The following VSTM2B variants were observed in gnomAD, a reference collection of about 807,000 sequenced individuals.
VSTM2B encodes V-set and transmembrane domain-containing protein 2B.
In VSTM2B, 24 loss-of-function variants were observed where a neutral mutation model predicts 24.0. That is an observed-to-expected ratio of 1.00 (90% CI 0.72 to 1.40). The LOEUF (loss-of-function observed/expected upper bound fraction) is 1.40, where lower values mean the gene tolerates loss of function less well. Ranked by LOEUF, VSTM2B falls within the 40% of genes most tolerant of loss-of-function variation. The pLI is 0.00. For missense variants in VSTM2B, 399 were observed against 416.4 expected (o/e 0.96, Z 0.36); for synonymous variants, 226 against 194.4 (o/e 1.16, Z -1.35).
At chr19:29,562,974 G>T (rs1158193578) in intron 4 of VSTM2B, among the ~76,000 whole-genome samples, 1 of 152,106 alleles carries the variant, frequency 6.6e-6, no homozygotes, top group African/African-American at 2.4e-5. Context: ...CCACCAACCT[G>T]CAATTTCTCA....
At chr19:29,563,714 C>A in intron 4 of VSTM2B, 132 bp from the exon 5 acceptor site, 1 of 707,966 alleles carries the variant, frequency 1.4e-6, no homozygotes, top group Non-Finnish European at 2.4e-6. Flanking sequence ...AGCCACTATG[C>A]ACCAGCCTCC....
chr19:29,554,772 T>C (rs1239160732), intron 4 of VSTM2B, among the ~76,000 whole-genome samples: 3 of 152,184 alleles, frequency 2.0e-5, no homozygotes, highest in African/African-American at 7.2e-5. Flanking sequence ...GCAATTCTAG[T>C]TTCTGACAAA....
intron 4 of VSTM2B, among the ~76,000 whole-genome samples, chr19:29,536,424 C>A (rs1969891886): frequency 6.6e-6 from 1 of 152,202 alleles, no homozygotes; most frequent in African/African-American, 2.4e-5. Flanking sequence ...TTGGAGAAGT[C>A]CACACCAAAT....
intron 4 of VSTM2B, among the ~76,000 whole-genome samples, chr19:29,553,752 A>G (rs1970340678): frequency 6.6e-6 from 1 of 152,248 alleles, no homozygotes; most frequent in Admixed American, 6.5e-5. Flanking sequence ...GCTGAGAAAC[A>G]CAACATAAGA....
chr19:29,527,957 T>TAC (rs1389504238), intron 2 of VSTM2B, among the ~76,000 whole-genome samples: 3 of 151,884 alleles, frequency 2.0e-5, no homozygotes, highest in African/African-American at 2.4e-5. Context: ...CACACACACC[T>TAC]ACACACACAC....
At chr19:29,530,361 G>T (rs1969720250) in intron 4 of VSTM2B, 71 bp downstream of exon 4, 2 of 1,349,704 alleles carry the variant, frequency 1.5e-6, no homozygotes, top group East Asian at 3.1e-5. Context: ...GGACGCCCCG[G>T]GGGGCTCCGG....
intron 4 of VSTM2B, among the ~76,000 whole-genome samples, chr19:29,546,096 T>A (rs1178419415): frequency 6.6e-6 from 1 of 152,010 alleles, no homozygotes; most frequent in African/African-American, 2.4e-5. Context: ...CAGAGCTGTA[T>A]TGGAGTCAAC....
Position 29,530,080 on chromosome 19 carries a change from G to T in VSTM2B, c.559G>T (p.Ala187Ser). The change falls in exon 4 of 5, where the codon GCC (alanine) becomes TCC (serine). Residue 187 changes from alanine to serine, a missense_variant. By Grantham distance (99) the Ala-to-Ser change is moderately conservative. Coordinates refer to ENST00000335523, the MANE Select transcript of VSTM2B (RefSeq NM_001146339.2). Reference sequence around the variant, plus strand: ...CGCCGCCAACGCCAACAACGCGGGCGCCGCGAGCCGTACCACCTCCGAGCC... The same window carrying T: ...CGCCGCCAACGCCAACAACGCGGGCTCCGCGAGCCGTACCACCTCCGAGCC... Reference protein sequence around the residue: ...ASAANANNAGAASRTTSEPGR... With the variant: ...ASAANANNAGSASRTTSEPGR... 1 of 1,498,020 alleles carries T rather than the reference G, an allele frequency of 6.7e-7. No homozygotes were observed. Among genetic ancestry groups the T allele is most frequent in the Non-Finnish European group, 8.8e-7 (1 of 1,132,354 alleles). 92.8% of individuals were successfully genotyped at this position (1,498,020 alleles called of 1,614,324 possible).
chr19:29,533,909 G>A (rs915054936), intron 4 of VSTM2B, among the ~76,000 whole-genome samples: 11 of 152,196 alleles, frequency 7.2e-5, no homozygotes, highest in South Asian at 6.2e-4. Flanking sequence ...CGGGGCAGAC[G>A]ACCTTGGGCC....
chr19:29,555,475 C>T (rs1211333587), intron 4 of VSTM2B, among the ~76,000 whole-genome samples: 2 of 152,106 alleles, frequency 1.3e-5, no homozygotes, highest in Admixed American at 1.3e-4. Flanking sequence ...AATTGACACC[C>T]TAGCATCACA....
chr19:29,538,723 A>G (rs546732030), intron 4 of VSTM2B, among the ~76,000 whole-genome samples: 5 of 152,264 alleles, frequency 3.3e-5, no homozygotes, highest in African/African-American at 1.2e-4. Context: ...TCACATGGTG[A>G]GAGAGGAAGC....
intron 4 of VSTM2B, among the ~76,000 whole-genome samples, chr19:29,538,931 A>AG (rs1439699684): frequency 6.6e-6 from 1 of 152,124 alleles, no homozygotes; most frequent in Non-Finnish European, 1.5e-5. Context: ...ATAAGGTTGG[A>AG]GGGGATGAAC....
At chr19:29,537,222 T>A (rs1270968012) in intron 4 of VSTM2B, among the ~76,000 whole-genome samples, 1 of 152,170 alleles carries the variant, frequency 6.6e-6, no homozygotes, top group Non-Finnish European at 1.5e-5. Context: ...CCTGGGGTCG[T>A]GCTTCTAGGG....
chr19:29,563,975 C>A lies in VSTM2B; in HGVS notation c.*41C>A. 1 of 1,521,264 alleles carries A rather than the reference C, an allele frequency of 6.6e-7. No individual in the cohort carries two copies. The highest frequency in any genetic ancestry group is 1.4e-5 in the African/African-American group (1 of 72,558). 94.2% of individuals were successfully genotyped at this position (1,521,264 alleles called of 1,614,324 possible). Reference sequence around the variant, plus strand: ...CGAGCATCTCAGAGGCCGCACATGACCTGCCCGGGGCCCTCGGTGAGGACC... The same window carrying A: ...CGAGCATCTCAGAGGCCGCACATGAACTGCCCGGGGCCCTCGGTGAGGACC... On this transcript the variant is annotated 3_prime_UTR_variant, in exon 5 of 5. Coordinates refer to ENST00000335523, the MANE Select transcript of VSTM2B (RefSeq NM_001146339.2).
At chr19:29,555,547 G>T (rs1407761026) in intron 4 of VSTM2B, among the ~76,000 whole-genome samples, 2 of 151,966 alleles carry the variant, frequency 1.3e-5, no homozygotes, top group South Asian at 2.1e-4. Context: ...AAAAGAAATA[G>T]TTAACCAAGA....
chr19:29,530,379 A>G, intron 4 of VSTM2B, 89 bp downstream of exon 4: 1 of 1,229,662 alleles, frequency 8.1e-7, no homozygotes, highest in Non-Finnish European at 1.1e-6. Flanking sequence ...CGGACCCAGG[A>G]CCCGCCCCCT....
chr19:29,545,978 GGA>G (rs1446555011), intron 4 of VSTM2B, among the ~76,000 whole-genome samples: 6 of 152,206 alleles, frequency 3.9e-5, no homozygotes, highest in Non-Finnish European at 8.8e-5. Flanking sequence ...AGGCCAGTCA[GGA>G]GCTGCTGCCC....
intron 4 of VSTM2B, among the ~76,000 whole-genome samples, chr19:29,541,334 TG>T (rs1472722005): frequency 6.6e-6 from 1 of 152,034 alleles, no homozygotes; most frequent in Non-Finnish European, 1.5e-5. Context: ...CAAGAGATGA[TG>T]GGGCTTGGAA....
chr19:29,528,420 CT>C lies in VSTM2B; in HGVS notation c.268-10del. ...GCGAGCCTCACGTCTCTCTCTCCCTCTTTGCATTTTAGGTAACAAATAAGGA... is the reference window on the plus strand; with the variant it reads ...GCGAGCCTCACGTCTCTCTCTCCCTCTTGCATTTTAGGTAACAAATAAGGA... On this transcript the variant is annotated splice_polypyrimidine_tract_variant and intron_variant, in intron 2 of 4. Coordinates refer to ENST00000335523, the MANE Select transcript of VSTM2B (RefSeq NM_001146339.2). 6.4e-7 allele frequency: 1 copy of C among 1,551,234 alleles called. No individual in the cohort carries two copies. The highest frequency in any genetic ancestry group is 8.7e-7 in the Non-Finnish European group (1 of 1,146,970).
Sources: allele counts gnomAD v4.1 joint callset (sites outside exome capture counted in the v4.1 genomes callset), GRCh38; gene constraint gnomAD v4.1.1; transcripts MANE v1.5; gene names NCBI Gene and HGNC (gene_info 2026-07-23, HGNC 2026-07-21).